Variants in METAP1 observed in about 807,000 individuals in gnomAD.
METAP1 encodes methionyl aminopeptidase 1.
In METAP1, 28 loss-of-function variants were observed where a neutral mutation model predicts 53.8. The observed-to-expected ratio is 0.52, with a 90% CI of 0.39 to 0.71. The LOEUF (loss-of-function observed/expected upper bound fraction) is 0.71, where lower values mean the gene tolerates loss of function less well. METAP1 is among the 30% of genes least tolerant of loss of function. The probability of loss-of-function intolerance (pLI) is 0.00; values close to 1 mark genes in which losing one functional copy is unlikely to be tolerated. For missense variants in METAP1, 389 were observed against 479.8 expected, an observed-to-expected ratio of 0.81 and a Z score of 1.77; for synonymous variants, 181 against 165.7, an observed-to-expected ratio of 1.09 and a Z score of -0.71.
At chr4:99,001,862 T>C (rs185619605) in intron 1 of METAP1, among the ~76,000 whole-genome samples, 47 of 152,310 alleles carry the variant, frequency 3.1e-4, no homozygotes, top group African/African-American at 1.1e-3. Flanking sequence ...TGGATTATTG[T>C]TGGTTTGAGG....
intron 2 of METAP1, among the ~76,000 whole-genome samples, chr4:99,030,261 C>T (rs1372472838): frequency 6.6e-6 from 1 of 152,154 alleles, no homozygotes; most frequent in African/African-American, 2.4e-5. Context: ...GTGCCTGTTT[C>T]TTCAATACTG....
chr4:99,019,279 T>G (rs1723949306), intron 1 of METAP1, among the ~76,000 whole-genome samples: 1 of 152,108 alleles, frequency 6.6e-6, no homozygotes, highest in African/African-American at 2.4e-5. Context: ...AATGGTTTGG[T>G]CCCACCTCCA....
intron 1 of METAP1, among the ~76,000 whole-genome samples, chr4:99,019,958 TGC>T (rs1723988111): frequency 6.6e-6 from 1 of 152,176 alleles, no homozygotes; most frequent in Admixed American, 6.5e-5. Context: ...GGGGTCTGGG[TGC>T]AGACTCCTTG....
chr4:99,045,228 A>G lies in METAP1; in HGVS notation c.705A>G (p.Thr235=), dbSNP rs1473699246. 2.5e-6 allele frequency: 4 copies of G among 1,613,746 alleles called. 1 individual carries two copies. Among genetic ancestry groups the G allele is most frequent in the South Asian group, 2.2e-5 (2 of 91,040 alleles). ...GTTATCATGGGGACCTGAATGAGAC[A>G]TTTTTTGTTGGAGAAGTGGATGATG... ...RNGYHGDLNE[T]FFVGEVDDGA... The change falls in exon 8 of 11, where the codon ACA becomes ACG. Residue 235 remains threonine, a synonymous_variant. Coordinates refer to ENST00000296411, the MANE Select transcript of METAP1 (RefSeq NM_015143.3).
intron 1 of METAP1, 96 bp downstream of exon 1, chr4:98,995,963 G>C (rs1369868180): frequency 2.9e-5 from 28 of 967,220 alleles, no homozygotes; most frequent in Middle Eastern, 3.1e-4. Context: ...GAGTCGGGAC[G>C]CGCTCCTCCT....
intron 2 of METAP1, among the ~76,000 whole-genome samples, chr4:99,032,614 TCTC>T (rs1403691984): frequency 6.6e-6 from 1 of 152,188 alleles, no homozygotes; most frequent in African/African-American, 2.4e-5. Flanking sequence ...ACCCTCACCT[TCTC>T]CTGTTCTCCT....
intron 1 of METAP1, among the ~76,000 whole-genome samples, chr4:99,027,873 A>C (rs1039518665): frequency 6.6e-6 from 1 of 152,172 alleles, no homozygotes; most frequent in African/African-American, 2.4e-5. Context: ...GGTTGGAGAA[A>C]CTGATCTTTC....
chr4:99,029,909 C>G (rs1201524976), intron 2 of METAP1, among the ~76,000 whole-genome samples: 1 of 152,002 alleles, frequency 6.6e-6, no homozygotes, highest in East Asian at 1.9e-4. Flanking sequence ...AATGGACATG[C>G]TAGGCTGTTG....
At chr4:99,029,950 A>G (rs777571606) in intron 2 of METAP1, among the ~76,000 whole-genome samples, 44 of 152,186 alleles carry the variant, frequency 2.9e-4, no homozygotes, top group Non-Finnish European at 5.6e-4. Flanking sequence ...ATGAGGAAAA[A>G]TGATGTGACT....
In METAP1 at chr4:99,045,172, C is replaced by T; in HGVS notation, c.656-7C>T. The T allele has an allele frequency of 1.2e-6, 2 of 1,612,286 alleles. No individual in the cohort carries two copies. The highest frequency in any genetic ancestry group is 4.5e-5 in the East Asian group (2 of 44,844). On this transcript the variant is annotated splice_region_variant and splice_polypyrimidine_tract_variant and intron_variant, in intron 7 of 10. Transcript: ENST00000296411. The stretch of plus-strand genomic sequence containing the variant: ...TATGGTCTTTATATTTGCACATTCT[C>T]TTGCAGTGGATATCACTCTTTATCG...
chr4:99,037,758 C>T (rs1725538466), intron 4 of METAP1: 1 of 151,930 alleles, frequency 6.6e-6, no homozygotes, highest in South Asian at 2.1e-4. Context: ...TACCTTTCCT[C>T]TTTTTCAGAA....
At chr4:99,022,482 A>G in intron 1 of METAP1, 1 of 620,154 alleles carries the variant, frequency 1.6e-6, no homozygotes, top group Non-Finnish European at 2.9e-6. Flanking sequence ...GTTCCTGCTC[A>G]GTAGGACGTT....
intron 10 of METAP1, among the ~76,000 whole-genome samples, chr4:99,058,975 A>T (rs1400744159): frequency 1.3e-5 from 2 of 152,250 alleles, no homozygotes; most frequent in African/African-American, 4.8e-5. Context: ...TATAATAAGG[A>T]TAAAGTTCTG....
chr4:99,043,668 G>GGAGTCTAGTTTTTTTCCCC (rs1413946112), intron 7 of METAP1, among the ~76,000 whole-genome samples: 1 of 152,090 alleles, frequency 6.6e-6, no homozygotes, highest in Non-Finnish European at 1.5e-5. Context: ...AGTGAAATGT[G>GGAGTCTAGTTTTTTTCCCC]GAGTCTAGTT....
At chr4:98,998,297 TG>T (rs1346376998) in intron 1 of METAP1, among the ~76,000 whole-genome samples, 1 of 151,930 alleles carries the variant, frequency 6.6e-6, no homozygotes, top group East Asian at 1.9e-4. Context: ...CCTAGGCGGG[TG>T]GATCACCTGA....
chr4:99,046,051 C>T (rs76765016), intron 8 of METAP1, among the ~76,000 whole-genome samples: 3,259 of 152,162 alleles, frequency 0.021, 114 homozygotes, highest in African/African-American at 0.073. Flanking sequence ...TTTTCTCAGG[C>T]TGTCTGTCTT....
chr4:99,050,056 C>T (rs1335893608), intron 9 of METAP1, among the ~76,000 whole-genome samples: 2 of 152,126 alleles, frequency 1.3e-5, no homozygotes, highest in African/African-American at 4.8e-5. Context: ...TGGAGTCAGT[C>T]TTTTCTCCCA....
chr4:99,016,209 T>C (rs770455046), intron 1 of METAP1, among the ~76,000 whole-genome samples: 5 of 152,204 alleles, frequency 3.3e-5, no homozygotes, highest in Non-Finnish European at 7.3e-5. Context: ...AACTGATCTT[T>C]GGTTTCAAAG....
chr4:99,039,544 T>C, intron 5 of METAP1, 79 bp downstream of exon 5: 2 of 838,900 alleles, frequency 2.4e-6, no homozygotes, highest in Non-Finnish European at 3.9e-6. Flanking sequence ...TGCTGATTTA[T>C]AAAGATAGCA....
Sources: allele counts gnomAD v4.1 joint callset (sites outside exome capture counted in the v4.1 genomes callset), GRCh38; gene constraint gnomAD v4.1.1; transcripts MANE v1.5; gene names NCBI Gene and HGNC (gene_info 2026-07-23, HGNC 2026-07-21).